YIF1A: variants seen among roughly 807,000 people sequenced by gnomAD.
The protein encoded by YIF1A is protein YIF1A.
Under a neutral mutation model 32.6 loss-of-function variants are expected in YIF1A, and 28 were observed. That is an observed-to-expected ratio of 0.86 (90% confidence interval 0.64 to 1.18). The LOEUF is 1.18. Ranked by LOEUF, YIF1A falls within the 50% of genes most tolerant of loss-of-function variation. YIF1A has a pLI of 0.00. For missense variants in YIF1A, 373 were observed against 390.8 expected, an observed-to-expected ratio of 0.95 and a Z score of 0.38; for synonymous variants, 175 against 162.2, an observed-to-expected ratio of 1.08 and a Z score of -0.60.
At position 66,284,585 on chromosome 11, in the gene YIF1A, G is replaced by A. The variant is rs1857319099; in HGVS notation, c.*52C>T. 4 of 1,596,720 alleles carry A rather than the reference G, an allele frequency of 2.5e-6. No individual in the cohort carries two copies. The highest frequency in any genetic ancestry group is 1.3e-5 in the African/African-American group (1 of 74,654). ...GGAACAAGGGTCAGACAAAGTCAAG[G>A]AAATCAAATCTTCAATGAATGAAAA... On this transcript the variant is annotated 3_prime_UTR_variant, in exon 8 of 8. Transcript: ENST00000376901.
chr11:66,287,970 C>A, intron 2 of YIF1A, 54 bp from the exon 3 acceptor site: 1 of 1,605,422 alleles, frequency 6.2e-7, no homozygotes, highest in South Asian at 1.1e-5. Context: ...CCTCAGGGTG[C>A]CCCTCTGTGT....
At chr11:66,286,038 C>T (rs1426296113) in intron 4 of YIF1A, among the ~76,000 whole-genome samples, 3 of 152,260 alleles carry the variant, frequency 2.0e-5, no homozygotes. Context: ...ATCTCAGAAA[C>T]TGTATCATGG....
chr11:66,285,458 C>T lies in YIF1A; in HGVS notation c.564G>A (p.Leu188=). ...TGCGCACGGTGGCCAGGTAGAGGCC[C>T]AGGAGCAGGGCCAGCACCTCCATCA... ...WVVMEVLALL[L]GLYLATVRSD... is the part of the protein sequence containing the mutation. Residue 188 remains leucine (L), a synonymous_variant, in exon 6 of 8, where the codon CTG becomes CTA. Transcript: ENST00000376901. The T allele has an allele frequency of 6.2e-7, 1 of 1,613,374 alleles. No homozygotes were observed. Among genetic ancestry groups the T allele is most frequent in the Non-Finnish European group, 8.5e-7 (1 of 1,180,028 alleles).
chr11:66,289,037 G>A lies in YIF1A; in HGVS notation c.-52C>T, dbSNP rs749543441. 5 of 1,552,088 alleles carry A rather than the reference G, an allele frequency of 3.2e-6. No homozygotes were observed. The highest frequency in any genetic ancestry group is 2.6e-6 in the Non-Finnish European group (3 of 1,158,770). ...GCCCGCTGCGCCGCCTCGTGGGTAC[G>A]AATACTAATGAGGCAGCTGCTCCGC... On this transcript the variant is annotated 5_prime_UTR_variant, in exon 1 of 8. Coordinates refer to ENST00000376901, the MANE Select transcript of YIF1A (RefSeq NM_020470.3).
At chr11:66,288,896 G>T in intron 1 of YIF1A, 59 bp downstream of exon 1, 1 of 1,433,116 alleles carries the variant, frequency 7.0e-7, no homozygotes, top group South Asian at 1.5e-5. Context: ...GGGTGAGCGG[G>T]CCACGCCGCC....
At chr11:66,285,118 A>G (rs2134886155) in intron 6 of YIF1A, 152 bp from the exon 7 acceptor site, 1 of 909,668 alleles carries the variant, frequency 1.1e-6, no homozygotes, top group South Asian at 1.7e-5. Flanking sequence ...CCCCAAAGGG[A>G]TATGGAAGGC....
intron 6 of YIF1A, 131 bp from the exon 7 acceptor site, chr11:66,285,097 A>G (rs1004554132): frequency 2.0e-6 from 2 of 1,018,216 alleles, no homozygotes; most frequent in East Asian, 5.2e-5. Context: ...CTGTCCCCAC[A>G]GGGACCCAGA....
intron 5 of YIF1A, 21 bp downstream of exon 5, chr11:66,285,680 A>T: frequency 6.2e-7 from 1 of 1,613,242 alleles, no homozygotes; most frequent in Non-Finnish European, 8.5e-7. Context: ...GGGGAGGGTA[A>T]GGGAGGGGCT....
Position 66,284,738 on chromosome 11 carries a change from C to A in YIF1A, c.781G>T (p.Gly261Cys). Residue 261 changes from glycine (G) to cysteine (C), a missense_variant, in exon 8 of 8, where the codon GGC (glycine) becomes TGC (cysteine). Gly to Cys is a radical substitution (Grantham distance 159, BLOSUM62 -3). Coordinates refer to ENST00000376901, the MANE Select transcript of YIF1A (RefSeq NM_020470.3). ...TAALGPDSMG[G>C]PVPRQRLQLY... The stretch of plus-strand genomic sequence containing the variant: ...TGGAGACGCTGCCGGGGGACGGGGC[C>A]CCCCATGCTGTCGGGGCCCAGGGCT... The A allele has an allele frequency of 5.6e-6, 9 of 1,612,158 alleles. No individual in the cohort carries two copies. Among genetic ancestry groups the A allele is most frequent in the Non-Finnish European group, 7.6e-6 (9 of 1,179,706 alleles).
intron 7 of YIF1A, 28 bp from the exon 8 acceptor site, chr11:66,284,811 C>T: frequency 6.2e-7 from 1 of 1,611,502 alleles, no homozygotes; most frequent in African/African-American, 1.3e-5. Flanking sequence ...TGAAGCCTGG[C>T]CAGGAGGGGG....
chr11:66,284,876 GAA>G lies in YIF1A; in HGVS notation c.730_731del (p.Phe244HisfsTer?). On this transcript the variant is annotated frameshift_variant, in exon 7 of 8. Transcript: ENST00000376901. LOFTEE classifies it high-confidence loss of function. ...TGGGGGGGTGCACCAGACTCACAAT[GAA>G]GTACATGAGCGCCGATGAGGTCCAG... is the stretch of plus-strand genomic sequence containing the variant. ...LAWTSSALMY[F>X]IVRSLRTAAL... is the part of the protein sequence containing the mutation. 1 of 1,613,224 alleles carries G rather than the reference GAA, an allele frequency of 6.2e-7. No homozygotes were observed.
In YIF1A at chr11:66,287,616, G is replaced by C. The variant is rs374138022; in HGVS notation, c.409C>G (p.Pro137Ala). 8 of 1,613,608 alleles carry C rather than the reference G, an allele frequency of 5.0e-6. No homozygotes were observed. The South Asian group carries it at 6.6e-5, about 13-fold the overall frequency. Residue 137 changes from proline (P) to alanine (A), a missense_variant, in exon 4 of 8, where the codon CCT (proline) becomes GCT (alanine). By Grantham distance (27) the Pro-to-Ala change is conservative. Transcript: ENST00000376901. ...GACTCACTGGGGATATAGAGGTCAG[G>C]GGCGTTGAGGTCTTGCCGGGGGGGC... is the stretch of plus-strand genomic sequence containing the variant. The part of the protein sequence containing the change: ...PLPPRQDLNA[P>A]DLYIPTMAFI...
rs748101907 is a variant in YIF1A, at chr11:66,287,937, C to A, written c.244-21G>T. Reference sequence around the variant, plus strand: ...TGCAGCTGGGAGGGGAGAGAGGAAGCTGTGGGCAAGCCGCACCCCAGGCCT... The same window carrying A: ...TGCAGCTGGGAGGGGAGAGAGGAAGATGTGGGCAAGCCGCACCCCAGGCCT... On this transcript the variant is annotated intron_variant, in intron 2 of 7. Transcript: ENST00000376901. 5.6e-6 allele frequency: 9 copies of A among 1,611,466 alleles called. No individual in the cohort carries two copies. In the Admixed American group the frequency reaches 1.3e-4, roughly 24 times the overall value.
At position 66,284,679 on chromosome 11, in the gene YIF1A, C is replaced by G. The variant is rs1159998310; in HGVS notation, c.840G>C (p.Gln280His). 4 of 1,612,794 alleles carry G rather than the reference C, an allele frequency of 2.5e-6. No individual in the cohort carries two copies. The highest frequency in any genetic ancestry group is 3.4e-6 in the Non-Finnish European group (4 of 1,179,936). Residue 280 changes from glutamine to histidine, a missense_variant, in exon 8 of 8, where the codon CAG (glutamine) becomes CAC (histidine). Transcript: ENST00000376901. The part of the protein sequence containing the change: ...LYLTLGAAAF[Q>H]PLIIYWLTFH... ...AAGTCAGCCAGTATATGATGAGGGG[C>G]TGGAAGGCTGCAGCTCCCAGAGTCA...
chr11:66,286,558 C>T (rs1439885279), intron 4 of YIF1A, among the ~76,000 whole-genome samples: 5 of 152,152 alleles, frequency 3.3e-5, no homozygotes, highest in Non-Finnish European at 5.9e-5. Context: ...GCCTGAGAGG[C>T]AGAGGCTGCA....
intron 4 of YIF1A, 144 bp downstream of exon 4, chr11:66,287,454 T>A: frequency 2.1e-6 from 2 of 959,838 alleles, no homozygotes; most frequent in Non-Finnish European, 3.2e-6. Flanking sequence ...GCCTGCCTGG[T>A]GTCTTGCAAC....
At chr11:66,286,778 G>A (rs1737651541) in intron 4 of YIF1A, among the ~76,000 whole-genome samples, 1 of 152,232 alleles carries the variant, frequency 6.6e-6, no homozygotes, top group South Asian at 2.1e-4. Context: ...GTAAAATGGG[G>A]ATGCCAGTTC....
Position 66,289,055 on chromosome 11 carries a change from T to C in YIF1A, c.-70A>G. On this transcript the variant is annotated 5_prime_UTR_variant, in exon 1 of 8. Coordinates refer to ENST00000376901, the MANE Select transcript of YIF1A (RefSeq NM_020470.3). The stretch of plus-strand genomic sequence containing the variant: ...TGGGTACGAATACTAATGAGGCAGC[T>C]GCTCCGCGCCCAGGGTACCGACCGA... The C allele has an allele frequency of 3.3e-6, 5 of 1,516,604 alleles. No individual in the cohort carries two copies. Among genetic ancestry groups the C allele is most frequent in the Non-Finnish European group, 4.4e-6 (5 of 1,140,366 alleles). The allele number at this position is 1,516,604 out of a possible 1,614,324, so 93.9% of individuals were successfully genotyped here.
At position 66,284,595 on chromosome 11, in the gene YIF1A, C is replaced by A. The variant is rs912075669; in HGVS notation, c.*42G>T. 3.1e-6 allele frequency: 5 copies of A among 1,603,958 alleles called. No homozygotes were observed. Among genetic ancestry groups the A allele is most frequent in the African/African-American group, 1.3e-5 (1 of 74,682 alleles). On this transcript the variant is annotated 3_prime_UTR_variant, in exon 8 of 8. Transcript: ENST00000376901. ...TCAGACAAAGTCAAGGAAATCAAAT[C>A]TTCAATGAATGAAAAACTCAGTGCC...
Sources: gnomAD v4.1 joint callset for allele counts (sites outside exome capture counted in the v4.1 genomes callset) on GRCh38, gnomAD v4.1.1 for gene constraint, MANE v1.5 for transcripts, NCBI Gene and HGNC (gene_info 2026-07-23, HGNC 2026-07-21) for gene names.